Variants in SH3BGRL observed in about 807,000 individuals in gnomAD.
SH3BGRL encodes SH3 domain binding glutamate rich protein like, also known as adapter SH3BGRL.
In SH3BGRL, 7 loss-of-function variants were observed where a neutral mutation model predicts 9.8. The observed-to-expected ratio is 0.72, with a 90% confidence interval of 0.41 to 1.35. SH3BGRL has a LOEUF of 1.35. Among genes scored for constraint, SH3BGRL ranks in the 40% most tolerant of loss-of-function variants. The pLI is 0.01. For missense variants in SH3BGRL, 73 were observed against 84.4 expected, an observed-to-expected ratio of 0.86 and a Z score of 0.53; for synonymous variants, 36 against 29.1, an observed-to-expected ratio of 1.24 and a Z score of -0.76.
intron 1 of SH3BGRL, among the ~76,000 whole-genome samples, chrX:81,271,386 A>T (rs997632298): frequency 1.8e-5 from 2 of 112,086 alleles, no homozygotes; most frequent in African/African-American, 6.5e-5. Context: ...CTTGGAAGTG[A>T]TCTTCTTTTT....
chrX:81,257,878 G>C (rs1160526697), intron 1 of SH3BGRL, among the ~76,000 whole-genome samples: 2 of 110,639 alleles, frequency 1.8e-5, no homozygotes, highest in Non-Finnish European at 3.8e-5. Flanking sequence ...CATCTAGTAA[G>C]AGCTCAACAT....
chrX:81,255,949 A>T (rs1487909796), intron 1 of SH3BGRL, among the ~76,000 whole-genome samples: 1 of 112,180 alleles, frequency 8.9e-6, no homozygotes, highest in Non-Finnish European at 1.9e-5. Flanking sequence ...ATTTATTTCA[A>T]CCTAGAATCA....
intron 3 of SH3BGRL, among the ~76,000 whole-genome samples, chrX:81,292,246 A>G (rs1421633620): frequency 2.7e-5 from 3 of 111,976 alleles, no homozygotes; most frequent in African/African-American, 9.7e-5. Context: ...TCTGAAATCT[A>G]GGCCGTGACT....
intron 1 of SH3BGRL, among the ~76,000 whole-genome samples, chrX:81,266,604 T>C (rs2075757910): frequency 8.9e-6 from 1 of 111,873 alleles, no homozygotes; most frequent in Non-Finnish European, 1.9e-5. Flanking sequence ...TTTTGGTTAC[T>C]GTAGCCTTGT....
At chrX:81,271,397 CTT>C (rs2075779047) in intron 1 of SH3BGRL, among the ~76,000 whole-genome samples, 1 of 112,163 alleles carries the variant, frequency 8.9e-6, no homozygotes, top group Non-Finnish European at 1.9e-5. Context: ...TCTTCTTTTT[CTT>C]TTAGCAGGAA....
intron 1 of SH3BGRL, among the ~76,000 whole-genome samples, chrX:81,247,886 GTTC>G (rs1386183640): frequency 4.6e-5 from 5 of 109,853 alleles, no homozygotes; most frequent in African/African-American, 1.7e-4. Flanking sequence ...ATGGGTACAA[GTTC>G]TTCTTTGGTA....
In SH3BGRL at chrX:81,286,498, CAAAAAAAAAAAA is replaced by C. The variant is rs570813241; in HGVS notation, c.312+8102_312+8113del. Among the ~76,000 whole-genome samples, 5 of 46,398 alleles carry C rather than the reference CAAAAAAAAAAAA, an allele frequency of 1.1e-4. No individual in the cohort carries two copies. The South Asian group carries it at 5.8e-3, about 54-fold the overall frequency. 40.3% of individuals were successfully genotyped at this position (46,398 alleles called of 115,157 possible). ...TGTGGTATTGATTTTAGCTACTAGGCAAAAAAAAAAAAAAAAAAAAAAAAAAGAGAGGGGAAA... is the reference window on the plus strand; with the variant it reads ...TGTGGTATTGATTTTAGCTACTAGGCAAAAAAAAAAAAAAGAGAGGGGAAA... On this transcript the variant is annotated intron_variant, in intron 3 of 3. Transcript: ENST00000373212.
At chrX:81,242,920 C>T (rs2075675647) in intron 1 of SH3BGRL, among the ~76,000 whole-genome samples, 1 of 111,466 alleles carries the variant, frequency 9.0e-6, no homozygotes, top group Non-Finnish European at 1.9e-5. Context: ...GAAAGGGAAC[C>T]CCCATACACT....
At position 81,202,173 on chromosome X, in the gene SH3BGRL, C is replaced by T. The variant is rs1677840325; in HGVS notation, c.-28C>T. On this transcript the variant is annotated 5_prime_UTR_variant, in exon 1 of 4. Transcript: ENST00000373212. The stretch of plus-strand genomic sequence containing the variant: ...GCTGCTCCACAGCCCTTTTCAGGAC[C>T]CAAACAACCGCAGCCGCTGTTCCCA... 8.3e-7 allele frequency: 1 copy of T among 1,203,112 alleles called. No homozygotes were observed. Among genetic ancestry groups the T allele is most frequent in the African/African-American group, 1.8e-5 (1 of 56,750 alleles).
chrX:81,235,890 C>T lies in SH3BGRL; in HGVS notation c.45+33645C>T, dbSNP rs890246133. On this transcript the variant is annotated intron_variant, in intron 1 of 3. Transcript: ENST00000373212. Reference sequence around the variant, plus strand: ...CATTGGAGTGCTATCACTGGCTCCTCGTACTGAACTTGTACAGTTTTCTAG... The same window carrying T: ...CATTGGAGTGCTATCACTGGCTCCTTGTACTGAACTTGTACAGTTTTCTAG... 2.7e-5 allele frequency among the ~76,000 whole-genome samples: 3 copies of T among 111,499 alleles called. No homozygotes were observed. The Admixed American group carries it at 2.9e-4, about 11-fold the overall frequency.
chrX:81,214,054 A>C (rs1048676108), intron 1 of SH3BGRL, among the ~76,000 whole-genome samples: 2 of 112,431 alleles, frequency 1.8e-5, no homozygotes, highest in Non-Finnish European at 3.8e-5. Flanking sequence ...ATTTCGGAGG[A>C]GGTGAAAGAA....
chrX:81,288,372 A>G (rs1180416549), intron 3 of SH3BGRL, among the ~76,000 whole-genome samples: 2 of 112,255 alleles, frequency 1.8e-5, no homozygotes, highest in East Asian at 2.8e-4. Flanking sequence ...CCTATAAGAT[A>G]TGGAGCACTA....
chrX:81,223,739 G>T (rs2075608095), intron 1 of SH3BGRL, among the ~76,000 whole-genome samples: 1 of 110,905 alleles, frequency 9.0e-6, no homozygotes, highest in African/African-American at 3.3e-5. Flanking sequence ...CACGCTCTGT[G>T]TTCCAGGCTA....
intron 1 of SH3BGRL, among the ~76,000 whole-genome samples, chrX:81,259,423 C>T (rs905012702): frequency 2.7e-5 from 3 of 111,889 alleles, no homozygotes; most frequent in African/African-American, 9.7e-5. Context: ...GATTCTTGAA[C>T]TTGTCCCTTG....
intron 1 of SH3BGRL, among the ~76,000 whole-genome samples, chrX:81,270,387 T>A (rs1041267827): frequency 8.9e-5 from 10 of 112,019 alleles, no homozygotes; most frequent in Non-Finnish European, 1.9e-5. Flanking sequence ...GTTGCTGATC[T>A]ATGGATGTGG....
At chrX:81,282,235 G>A (rs958795894) in intron 3 of SH3BGRL, among the ~76,000 whole-genome samples, 1 of 111,630 alleles carries the variant, frequency 9.0e-6, no homozygotes, top group Non-Finnish European at 1.9e-5. Context: ...TAATAGTGGG[G>A]GAATTCAATA....
chrX:81,282,200 A>C (rs1211696649), intron 3 of SH3BGRL, among the ~76,000 whole-genome samples: 2 of 112,110 alleles, frequency 1.8e-5, no homozygotes, highest in African/African-American at 6.5e-5. Context: ...AATAGACCCA[A>C]GAAATGAGAT....
intron 1 of SH3BGRL, among the ~76,000 whole-genome samples, chrX:81,241,852 C>G (rs959823504): frequency 1.8e-5 from 2 of 112,533 alleles, no homozygotes; most frequent in African/African-American, 6.5e-5. Context: ...TACATCTGGT[C>G]CAGCCACAGC....
chrX:81,275,462 C>T (rs757745824), intron 1 of SH3BGRL, among the ~76,000 whole-genome samples: 25 of 111,321 alleles, frequency 2.2e-4, no homozygotes, highest in Non-Finnish European at 4.3e-4. Context: ...TGCTAATGAT[C>T]GACAAATTAC....
Sources: allele counts gnomAD v4.1 joint callset (sites outside exome capture counted in the v4.1 genomes callset), GRCh38; gene constraint gnomAD v4.1.1; transcripts MANE v1.5; gene names NCBI Gene and HGNC (gene_info 2026-07-23, HGNC 2026-07-21).